CSMD3: variants seen among roughly 807,000 people sequenced by gnomAD.
CSMD3 encodes the protein CUB and sushi domain-containing protein 3.
Under a neutral mutation model 435.2 loss-of-function variants are expected in CSMD3, and 177 were observed. The observed-to-expected ratio is 0.41, with a 90% CI of 0.36 to 0.46. CSMD3 has a LOEUF of 0.46. CSMD3 is among the 20% of genes least tolerant of loss of function. The pLI is 0.34. For missense variants in CSMD3, 4,265 were observed against 4,504.6 expected, an observed-to-expected ratio of 0.95 and a Z score of 1.52; for synonymous variants, 1,656 against 1,520.5, an observed-to-expected ratio of 1.09 and a Z score of -2.07.
intron 32 of CSMD3, among the ~76,000 whole-genome samples, chr8:112,469,160 C>CAAAA (rs71309771): frequency 1.1e-4 from 10 of 91,624 alleles, no homozygotes; most frequent in South Asian, 3.5e-4. Context: ...CTACACCAGG[C>CAAAA]AAAAAAAAAA....
chr8:112,870,007 C>A (rs2081086785), intron 10 of CSMD3, among the ~76,000 whole-genome samples: 1 of 152,078 alleles, frequency 6.6e-6, no homozygotes, highest in African/African-American at 2.4e-5. Flanking sequence ...TGTAACAAAC[C>A]TGCACGTTCT....
intron 32 of CSMD3, among the ~76,000 whole-genome samples, chr8:112,459,742 C>T (rs1817253065): frequency 6.6e-6 from 1 of 152,138 alleles, no homozygotes; most frequent in African/African-American, 2.4e-5. Context: ...ATTGATTTAA[C>T]ATGGCATACC....
intron 56 of CSMD3, among the ~76,000 whole-genome samples, chr8:112,290,961 A>C (rs911736806): frequency 6.6e-6 from 1 of 152,062 alleles, no homozygotes; most frequent in South Asian, 2.1e-4. Flanking sequence ...TTTTATGTAC[A>C]TTCTACAACT....
At chr8:113,424,547 AT>A (rs1237691741) in intron 1 of CSMD3, among the ~76,000 whole-genome samples, 1 of 151,544 alleles carries the variant, frequency 6.6e-6, no homozygotes, top group Non-Finnish European at 1.5e-5. Flanking sequence ...AATTGAAAGT[AT>A]TAAGAAGCCA....
intron 5 of CSMD3, among the ~76,000 whole-genome samples, chr8:113,025,665 G>C (rs1250724539): frequency 6.6e-6 from 1 of 152,124 alleles, no homozygotes; most frequent in Non-Finnish European, 1.5e-5. Context: ...TCTGGAGTGG[G>C]TTGGCAGGGG....
chr8:113,419,229 C>T (rs1288820203), intron 1 of CSMD3, among the ~76,000 whole-genome samples: 2 of 151,330 alleles, frequency 1.3e-5, no homozygotes, highest in African/African-American at 4.9e-5. Flanking sequence ...ATTGATTCTC[C>T]TGCCTCAGCC....
At chr8:112,500,256 AAAGT>A (rs1299957176) in intron 30 of CSMD3, among the ~76,000 whole-genome samples, 1 of 152,246 alleles carries the variant, frequency 6.6e-6, no homozygotes, top group Non-Finnish European at 1.5e-5. Flanking sequence ...AGCAGCAAAT[AAAGT>A]AAGAAACACT....
At chr8:112,568,152 A>G (rs941862186) in intron 24 of CSMD3, among the ~76,000 whole-genome samples, 2 of 152,206 alleles carry the variant, frequency 1.3e-5, no homozygotes, top group Admixed American at 6.5e-5. Flanking sequence ...TATATTCAAC[A>G]GTATAGCTGT....
intron 59 of CSMD3, among the ~76,000 whole-genome samples, chr8:112,272,313 C>T (rs1035462426): frequency 1.3e-5 from 2 of 152,084 alleles, no homozygotes; most frequent in African/African-American, 2.4e-5. Context: ...TTTTTGCATA[C>T]CTCATTAATT....
intron 63 of CSMD3, among the ~76,000 whole-genome samples, chr8:112,247,710 T>C (rs1280918049): frequency 6.6e-6 from 1 of 151,910 alleles, no homozygotes; most frequent in Non-Finnish European, 1.5e-5. Context: ...GTGTAGTCTC[T>C]AGGCCAGTAA....
intron 1 of CSMD3, among the ~76,000 whole-genome samples, chr8:113,327,892 G>C (rs112623369): frequency 0.014 from 2,131 of 152,188 alleles, 28 homozygotes; most frequent in Non-Finnish European, 0.023. Flanking sequence ...TGCTCACAGG[G>C]GGCTTTGAAA....
chr8:112,350,384 T>G (rs891569958), intron 40 of CSMD3, among the ~76,000 whole-genome samples: 1 of 151,802 alleles, frequency 6.6e-6, no homozygotes, highest in East Asian at 1.9e-4. Context: ...GTGAAAACCT[T>G]GCAGGCTGAA....
chr8:112,287,254 G>T lies in CSMD3; in HGVS notation c.9149-8C>A. The stretch of plus-strand genomic sequence containing the variant: ...ATGTCCCAGTAGCATCACCTGCAAT[G>T]CAGTACAGTTCAAGTTAACCAATTC... On this transcript the variant is annotated splice_polypyrimidine_tract_variant and splice_region_variant and intron_variant, in intron 57 of 70. Coordinates refer to ENST00000297405, the MANE Select transcript of CSMD3 (RefSeq NM_198123.2). 6.2e-7 allele frequency: 1 copy of T among 1,613,170 alleles called. No individual in the cohort carries two copies. Among genetic ancestry groups the T allele is most frequent in the South Asian group, 1.1e-5 (1 of 91,072 alleles).
chr8:112,481,975 C>G (rs910585172), intron 31 of CSMD3, among the ~76,000 whole-genome samples: 2 of 151,818 alleles, frequency 1.3e-5, no homozygotes, highest in African/African-American at 4.8e-5. Context: ...TGTGAATTGA[C>G]TTTGTTTAAA....
At chr8:112,276,214 C>G (rs1052098929) in intron 59 of CSMD3, among the ~76,000 whole-genome samples, 1 of 152,230 alleles carries the variant, frequency 6.6e-6, no homozygotes, top group Non-Finnish European at 1.5e-5. Context: ...TGTCTCACAT[C>G]CAGGTCACTG....
intron 6 of CSMD3, among the ~76,000 whole-genome samples, chr8:113,006,034 G>A (rs1431327112): frequency 2.0e-5 from 3 of 152,016 alleles, no homozygotes; most frequent in African/African-American, 7.2e-5. Flanking sequence ...AAAACTGCAA[G>A]GGCCTAACCA....
At chr8:113,040,958 C>T (rs1479607177) in intron 5 of CSMD3, among the ~76,000 whole-genome samples, 1 of 151,942 alleles carries the variant, frequency 6.6e-6, no homozygotes, top group Admixed American at 6.6e-5. Context: ...AATCCCAGCA[C>T]TTTGGGAAGC....
At chr8:112,324,770 G>T (rs1021972761) in intron 45 of CSMD3, among the ~76,000 whole-genome samples, 1 of 151,990 alleles carries the variant, frequency 6.6e-6, no homozygotes, top group Non-Finnish European at 1.5e-5. Context: ...GGGGAATGTG[G>T]TCAGATTTAT....
rs182041356 is a variant in CSMD3, at chr8:112,953,202, A to G, written c.1420+1482T>C. Among the ~76,000 whole-genome samples, 709 of 151,708 alleles carry G rather than the reference A, an allele frequency of 4.7e-3. 7 individuals are homozygous for G. The highest frequency in any genetic ancestry group is 0.017 in the African/African-American group (689 of 41,532). On this transcript the variant is annotated intron_variant, in intron 8 of 70. Transcript: ENST00000297405. ...ATATTGGCTACACAAAATATTAGAA[A>G]AAAATGTAGTAAACATAACATTTAA...
Sources: gnomAD v4.1 joint callset for allele counts (sites outside exome capture counted in the v4.1 genomes callset) on GRCh38, gnomAD v4.1.1 for gene constraint, MANE v1.5 for transcripts, NCBI Gene and HGNC (gene_info 2026-07-23, HGNC 2026-07-21) for gene names.